Variants in KHDRBS2 observed in about 807,000 individuals in gnomAD.
KHDRBS2 encodes KH domain-containing, RNA-binding, signal transduction-associated protein 2.
KHDRBS2 carries 26 observed loss-of-function variants against 44.3 expected under a neutral mutation model. The observed-to-expected ratio is 0.59, with a 90% confidence interval of 0.43 to 0.81. The LOEUF is 0.81. Among genes scored for constraint, KHDRBS2 ranks in the 40% least tolerant of loss-of-function variants. The pLI, the probability that KHDRBS2 is intolerant of heterozygous loss-of-function variation, is 0.00. For synonymous variants in KHDRBS2, 194 were observed against 151.1 expected, an observed-to-expected ratio of 1.28 and a Z score of -2.08; for missense variants, 476 against 433.1, an observed-to-expected ratio of 1.10 and a Z score of -0.88.
At chr6:62,196,534 C>G (rs1400706580) in intron 1 of KHDRBS2, among the ~76,000 whole-genome samples, 6 of 152,076 alleles carry the variant, frequency 3.9e-5, no homozygotes, top group Non-Finnish European at 5.9e-5. Flanking sequence ...AGACTCATGT[C>G]TTGGGATTCT....
intron 2 of KHDRBS2, among the ~76,000 whole-genome samples, chr6:62,171,827 T>A (rs1372338961): frequency 6.6e-6 from 1 of 152,088 alleles, no homozygotes; most frequent in Non-Finnish European, 1.5e-5. Flanking sequence ...CCTACCAAAA[T>A]GAGCTTCATA....
At chr6:61,579,164 C>T in the KHDRBS2 span, among the ~76,000 whole-genome samples, 1 of 152,154 alleles carries the variant, frequency 6.6e-6, no homozygotes, top group Non-Finnish European at 1.5e-5. Flanking sequence ...CTTTGCTTTA[C>T]TGTCCTCAGA....
the KHDRBS2 span, among the ~76,000 whole-genome samples, chr6:61,642,524 T>C: frequency 1.3e-5 from 2 of 148,896 alleles, no homozygotes; most frequent in Non-Finnish European, 3.0e-5. Flanking sequence ...TAGCCGGGCA[T>C]GGTGGAGTGT....
intron 6 of KHDRBS2, among the ~76,000 whole-genome samples, chr6:61,815,773 G>A (rs1788821704): frequency 6.6e-6 from 1 of 152,170 alleles, no homozygotes; most frequent in African/African-American, 2.4e-5. Flanking sequence ...TTCACTTTGA[G>A]TGGCTTCTTT....
chr6:61,980,737 C>T (rs2127404799), intron 3 of KHDRBS2, among the ~76,000 whole-genome samples: 1 of 152,316 alleles, frequency 6.6e-6, no homozygotes, highest in East Asian at 1.9e-4. Context: ...TTCTTAACAA[C>T]AGAGCTCTCA....
At chr6:61,673,312 A>G in the KHDRBS2 span, among the ~76,000 whole-genome samples, 2 of 151,994 alleles carry the variant, frequency 1.3e-5, no homozygotes, top group African/African-American at 2.4e-5. Flanking sequence ...CCCACAGTCA[A>G]TATCATACTG....
At chr6:62,014,187 A>G (rs1457196202) in intron 3 of KHDRBS2, among the ~76,000 whole-genome samples, 2 of 152,188 alleles carry the variant, frequency 1.3e-5, no homozygotes, top group Non-Finnish European at 2.9e-5. Context: ...TAGGTGGTAT[A>G]TCTACTCTCA....
chr6:61,996,972 G>A (rs905335439), intron 3 of KHDRBS2, among the ~76,000 whole-genome samples: 13 of 152,122 alleles, frequency 8.5e-5, no homozygotes, highest in Middle Eastern at 3.4e-3. Context: ...TAGGAGAGAC[G>A]GGGTTTCACC....
intron 5 of KHDRBS2, among the ~76,000 whole-genome samples, chr6:61,896,789 T>A (rs1803013598): frequency 6.6e-6 from 1 of 152,212 alleles, no homozygotes; most frequent in Non-Finnish European, 1.5e-5. Flanking sequence ...TTGAAAATGC[T>A]CTTGGCTGAG....
At chr6:62,275,008 T>TACACACACACAC (rs145870587) in intron 1 of KHDRBS2, among the ~76,000 whole-genome samples, 89 of 142,468 alleles carry the variant, frequency 6.2e-4, no homozygotes, top group African/African-American at 2.2e-3. Context: ...GCTCATCAAA[T>TACACACACACAC]ACACACACAC....
intron 6 of KHDRBS2, among the ~76,000 whole-genome samples, chr6:61,753,713 T>C (rs1253158487): frequency 6.6e-6 from 1 of 152,144 alleles, no homozygotes; most frequent in Non-Finnish European, 1.5e-5. Flanking sequence ...ACAATTAATG[T>C]GTGTTGTAAA....
At chr6:62,045,735 C>A (rs1311016652) in intron 3 of KHDRBS2, among the ~76,000 whole-genome samples, 1 of 151,702 alleles carries the variant, frequency 6.6e-6, no homozygotes, top group Non-Finnish European at 1.5e-5. Flanking sequence ...TTAGAAAAAA[C>A]AAAATTATGT....
chr6:61,803,537 T>G (rs557119301), intron 6 of KHDRBS2, among the ~76,000 whole-genome samples: 1 of 152,298 alleles, frequency 6.6e-6, no homozygotes, highest in African/African-American at 2.4e-5. Context: ...ATTATCTCAT[T>G]TAATCTTCAA....
intron 4 of KHDRBS2, among the ~76,000 whole-genome samples, chr6:61,944,674 T>C (rs1812833858): frequency 1.3e-5 from 2 of 152,072 alleles, no homozygotes; most frequent in African/African-American, 2.4e-5. Flanking sequence ...TGCCAACACA[T>C]AGAAATGATA....
chr6:62,029,162 T>A (rs1254630697), intron 3 of KHDRBS2, among the ~76,000 whole-genome samples: 1 of 152,008 alleles, frequency 6.6e-6, no homozygotes, highest in Non-Finnish European at 1.5e-5. Context: ...AACAATTATC[T>A]AAACATAATT....
chr6:61,805,423 G>A (rs1786992183), intron 6 of KHDRBS2, among the ~76,000 whole-genome samples: 1 of 152,008 alleles, frequency 6.6e-6, no homozygotes, highest in Non-Finnish European at 1.5e-5. Flanking sequence ...CTTTTTCTGA[G>A]ACCTACCAAT....
chr6:62,022,241 T>A (rs1375418161), intron 3 of KHDRBS2, among the ~76,000 whole-genome samples: 2 of 151,584 alleles, frequency 1.3e-5, no homozygotes, highest in Non-Finnish European at 3.0e-5. Flanking sequence ...AATAAAGAAG[T>A]AAAAATGTTA....
intron 1 of KHDRBS2, among the ~76,000 whole-genome samples, chr6:62,239,454 T>A (rs1236467314): frequency 2.0e-5 from 3 of 151,914 alleles, no homozygotes; most frequent in Non-Finnish European, 4.4e-5. Context: ...ACACCTGTAA[T>A]CCCAGCTACT....
intron 6 of KHDRBS2, among the ~76,000 whole-genome samples, chr6:61,841,332 G>A (rs1036545025): frequency 6.6e-6 from 1 of 151,736 alleles, no homozygotes; most frequent in Admixed American, 6.6e-5. Flanking sequence ...TTTCCATATG[G>A]GAAATTTTGG....
Sources: allele counts gnomAD v4.1 joint callset (sites outside exome capture counted in the v4.1 genomes callset), GRCh38; gene constraint gnomAD v4.1.1; transcripts MANE v1.5; gene names NCBI Gene and HGNC (gene_info 2026-07-23, HGNC 2026-07-21).